The following DOCK11 variants were observed in gnomAD, a reference collection of about 807,000 sequenced individuals.
DOCK11 encodes the protein dedicator of cytokinesis 11, also known as dedicator of cytokinesis protein 11.
DOCK11 carries 70 observed loss-of-function variants against 169.1 expected under a neutral mutation model. That is an observed-to-expected ratio of 0.41 (90% CI 0.34 to 0.51). DOCK11 has a LOEUF of 0.51. Ranked by LOEUF, DOCK11 falls within the 20% of genes least tolerant of loss-of-function variation. The pLI is 0.10. For synonymous variants in DOCK11, 529 were observed against 541.3 expected (o/e 0.98, Z 0.32); for missense variants, 1,166 against 1,538.8 (o/e 0.76, Z 4.05).
chrX:118,623,282 TG>T (rs1476604811), intron 31 of DOCK11, among the ~76,000 whole-genome samples: 1 of 112,293 alleles, frequency 8.9e-6, no homozygotes, highest in African/African-American at 3.2e-5. Context: ...AGGGTTGCCA[TG>T]CAAAAGTAGA....
intron 35 of DOCK11, among the ~76,000 whole-genome samples, chrX:118,631,575 T>C (rs975534996): frequency 9.0e-6 from 1 of 111,723 alleles, no homozygotes; most frequent in East Asian, 2.8e-4. Flanking sequence ...AACTATAAAC[T>C]ATTGTAATAT....
At chrX:118,603,921 A>T (rs768911441) in intron 23 of DOCK11, among the ~76,000 whole-genome samples, 1 of 112,352 alleles carries the variant, frequency 8.9e-6, no homozygotes, top group South Asian at 3.7e-4. Flanking sequence ...GAGAACAGTG[A>T]TGATTGTTTA....
chrX:118,552,682 C>T (rs1303616104), intron 6 of DOCK11, among the ~76,000 whole-genome samples: 3 of 112,335 alleles, frequency 2.7e-5, no homozygotes, highest in Non-Finnish European at 5.6e-5. Flanking sequence ...CCAAGCACTT[C>T]CTCTCACTGA....
At chrX:118,524,622 G>A (rs1421141740) in intron 1 of DOCK11, among the ~76,000 whole-genome samples, 1 of 111,253 alleles carries the variant, frequency 9.0e-6, no homozygotes, top group Admixed American at 9.6e-5. Flanking sequence ...CAATAAGCAC[G>A]GGAAAAGATA....
intron 1 of DOCK11, among the ~76,000 whole-genome samples, chrX:118,535,595 G>A (rs2011726556): frequency 9.0e-6 from 1 of 111,174 alleles, no homozygotes; most frequent in Non-Finnish European, 1.9e-5. Flanking sequence ...GGGCTGTTGG[G>A]GAGCGAGGAG....
At position 118,686,032 on chromosome X, in the gene DOCK11, A is replaced by G. The variant is rs764177610; in HGVS notation, c.*225A>G. 7 of 330,583 alleles carry G rather than the reference A, an allele frequency of 2.1e-5. No homozygotes were observed. The Middle Eastern group carries it at 2.6e-3, about 123-fold the overall frequency. The allele number at this position is 330,583 out of a possible 1,213,427, so 27.2% of individuals were successfully genotyped here. A position where few individuals can be genotyped will look rare whatever the true frequency, so the allele number is the denominator to read the frequency against. ...TTTGTACTTTTTTAGGTAAATCTAT[A>G]TGCTGAAAAGTAGAGCTCAAAAACA... On this transcript the variant is annotated 3_prime_UTR_variant, in exon 53 of 53. Coordinates refer to ENST00000276202, the MANE Select transcript of DOCK11 (RefSeq NM_144658.4).
chrX:118,587,651 G>A (rs890075797), intron 16 of DOCK11, among the ~76,000 whole-genome samples: 3 of 111,589 alleles, frequency 2.7e-5, no homozygotes, highest in East Asian at 2.8e-4. Context: ...GTAACACATC[G>A]TAAGATCAAA....
At chrX:118,674,017 A>G (rs2147586423) in intron 46 of DOCK11, among the ~76,000 whole-genome samples, 1 of 112,391 alleles carries the variant, frequency 8.9e-6, no homozygotes, top group Admixed American at 9.4e-5. Flanking sequence ...TTTTCAGATT[A>G]GACATGTTCA....
intron 23 of DOCK11, among the ~76,000 whole-genome samples, chrX:118,602,305 A>G (rs1449888765): frequency 9.1e-6 from 1 of 110,067 alleles, no homozygotes; most frequent in Non-Finnish European, 1.9e-5. Flanking sequence ...CTCTTGTTAT[A>G]TATTTAGTAT....
chrX:118,621,868 C>T (rs1049673526), intron 31 of DOCK11, among the ~76,000 whole-genome samples: 2 of 111,391 alleles, frequency 1.8e-5, no homozygotes, highest in African/African-American at 6.5e-5. Flanking sequence ...CTCCTGACCT[C>T]GTGATCTGCC....
intron 30 of DOCK11, among the ~76,000 whole-genome samples, chrX:118,617,130 G>T (rs187649938): frequency 9.0e-6 from 1 of 111,548 alleles, no homozygotes; most frequent in East Asian, 2.8e-4. Context: ...ATAATCCTTC[G>T]GCTTCATGGC....
chrX:118,673,442 A>T (rs1424425819), intron 46 of DOCK11, among the ~76,000 whole-genome samples: 1 of 111,671 alleles, frequency 9.0e-6, no homozygotes, highest in Admixed American at 9.5e-5. Flanking sequence ...ACTGCACTCC[A>T]GCCTTGGCTA....
In DOCK11 at chrX:118,608,259, C is replaced by T; in HGVS notation, c.2780C>T (p.Ala927Val). The T allele has an allele frequency of 2.5e-6, 3 of 1,207,639 alleles. No individual in the cohort carries two copies. The highest frequency in any genetic ancestry group is 3.4e-6 in the Non-Finnish European group (3 of 894,023). The stretch of plus-strand genomic sequence containing the variant: ...AGCTTCCGACCTGAAAAACCGAGTG[C>T]TCCTCAGGCCCAGCTGATACATGAA... ...KYSFRPEKPS[A>V]PQAQLIHETL... Residue 927 changes from alanine to valine, a missense_variant, in exon 26 of 53, where the codon GCT becomes GTT. Ala to Val is a moderately conservative substitution (Grantham distance 64). Coordinates refer to ENST00000276202, the MANE Select transcript of DOCK11 (RefSeq NM_144658.4).
intron 1 of DOCK11, among the ~76,000 whole-genome samples, chrX:118,500,335 A>C (rs2147302630): frequency 8.9e-6 from 1 of 111,744 alleles, no homozygotes; most frequent in East Asian, 2.8e-4. Context: ...GGCGTGAGCC[A>C]CCGCGCCCGG....
chrX:118,546,166 AGTAG>A (rs756608965), intron 6 of DOCK11, 50 bp downstream of exon 6: 1 of 540,485 alleles, frequency 1.9e-6, no homozygotes, highest in East Asian at 4.5e-5. Context: ...TATTGGCATA[AGTAG>A]TCTATCTGGA....
intron 1 of DOCK11, among the ~76,000 whole-genome samples, chrX:118,508,060 CAA>C (rs34530280): frequency 0.19 from 11,789 of 62,854 alleles, 519 homozygotes; most frequent in Middle Eastern, 0.35. Flanking sequence ...GAGGTGAGGA[CAA>C]AAAAAAAAAA....
In DOCK11 at chrX:118,636,460, G is replaced by T. The variant is rs773458031; in HGVS notation, c.3953+48G>T. The T allele has an allele frequency of 6.1e-6, 4 of 658,522 alleles. No homozygotes were observed. In the Admixed American group the frequency reaches 1.6e-4, roughly 26 times the overall value. The allele number at this position is 658,522 out of a possible 1,213,427, so 54.3% of individuals were successfully genotyped here. On this transcript the variant is annotated intron_variant, in intron 36 of 52. Transcript: ENST00000276202. ...CATATACTTTCCCCTTATTTGGGGA[G>T]AATTCAACTGTTACAATTTTTTCTG...
At chrX:118,542,174 A>C (rs1164432314) in intron 1 of DOCK11, among the ~76,000 whole-genome samples, 1 of 107,285 alleles carries the variant, frequency 9.3e-6, no homozygotes, top group Non-Finnish European at 1.9e-5. Context: ...TTTCTCCAGA[A>C]CTTTTTTTTT....
At position 118,585,131 on chromosome X, in the gene DOCK11, G is replaced by A. The variant is rs377535729; in HGVS notation, c.1795+14G>A. On this transcript the variant is annotated intron_variant, in intron 16 of 52. Transcript: ENST00000276202. The stretch of plus-strand genomic sequence containing the variant: ...TGGATTTATCAAGTAAGAACATATT[G>A]CAAATAAACCTTAAGCATAATGTTT... 3.2e-4 allele frequency: 371 copies of A among 1,162,353 alleles called. 5 individuals carry two copies. The South Asian group carries it at 3.7e-3, about 12-fold the overall frequency.
Sources: allele counts gnomAD v4.1 joint callset (sites outside exome capture counted in the v4.1 genomes callset), GRCh38; gene constraint gnomAD v4.1.1; transcripts MANE v1.5; gene names NCBI Gene and HGNC (gene_info 2026-07-23, HGNC 2026-07-21).